The following TECPR2 variants were observed in gnomAD, a reference collection of about 807,000 sequenced individuals.
The protein encoded by TECPR2 is tectonin beta-propeller repeat containing 2.
In TECPR2, 65 loss-of-function variants were observed where a neutral mutation model predicts 138.1. The observed-to-expected ratio is 0.47, with a 90% confidence interval of 0.39 to 0.58. The LOEUF is 0.58. Ranked by LOEUF, TECPR2 falls within the 20% of genes least tolerant of loss-of-function variation. TECPR2 has a pLI of 0.00. For synonymous variants in TECPR2, 746 were observed against 749.8 expected (o/e 0.99, Z 0.08); for missense variants, 1,553 against 1,824.5 (o/e 0.85, Z 2.71).
intron 16 of TECPR2, among the ~76,000 whole-genome samples, chr14:102,453,029 C>T (rs1299572868): frequency 1.3e-5 from 2 of 152,236 alleles, no homozygotes; most frequent in Non-Finnish European, 2.9e-5. Flanking sequence ...GTTTGTCTAT[C>T]TCCTCAGGAC....
intron 2 of TECPR2, among the ~76,000 whole-genome samples, 167 bp downstream of exon 2, chr14:102,377,107 T>C (rs762576274): frequency 6.6e-6 from 1 of 152,346 alleles, no homozygotes; most frequent in Middle Eastern, 3.4e-3. Context: ...GGAATATAAC[T>C]AAAAACATTG....
Position 102,440,575 on chromosome 14 carries a change from C to T in TECPR2, c.2718C>T (p.Ile906=), listed in dbSNP as rs758523749. 3 of 1,614,174 alleles carry T rather than the reference C, an allele frequency of 1.9e-6. No individual in the cohort carries two copies. The South Asian group carries it at 3.3e-5, about 18-fold the overall frequency. The change falls in exon 11 of 20, where the codon ATC becomes ATT. Residue 906 remains isoleucine (I), a synonymous_variant. Coordinates refer to ENST00000359520, the MANE Select transcript of TECPR2 (RefSeq NM_014844.5). ...CCCTGAGCGATGACACGGCCTGGAT[C>T]ATCAGGACCAGTGGGGACCTATACT... ...FVALSDDTAW[I]IRTSGDLYLQ...
chr14:102,389,655 C>T (rs1453630711), intron 2 of TECPR2, among the ~76,000 whole-genome samples: 1 of 152,150 alleles, frequency 6.6e-6, no homozygotes, highest in African/African-American at 2.4e-5. Flanking sequence ...ATCCCTACCT[C>T]ACTTCATATG....
chr14:102,386,775 T>C (rs1888018388), intron 2 of TECPR2, among the ~76,000 whole-genome samples: 1 of 152,190 alleles, frequency 6.6e-6, no homozygotes, highest in African/African-American at 2.4e-5. Context: ...CTGCCAGTTA[T>C]TAGTGGTTTA....
At chr14:102,468,346 CCT>C (rs929818374) in intron 17 of TECPR2, among the ~76,000 whole-genome samples, 6 of 151,122 alleles carry the variant, frequency 4.0e-5, no homozygotes, top group African/African-American at 1.5e-4. Flanking sequence ...CACCGCCATG[CCT>C]GGCTAATTTT....
chr14:102,488,747 T>C (rs1891094920), intron 17 of TECPR2, among the ~76,000 whole-genome samples: 1 of 152,086 alleles, frequency 6.6e-6, no homozygotes, highest in Non-Finnish European at 1.5e-5. Flanking sequence ...AAAACTATAG[T>C]ACACTGTCAC....
chr14:102,461,868 G>A (rs895493304), intron 16 of TECPR2, among the ~76,000 whole-genome samples: 1 of 152,188 alleles, frequency 6.6e-6, no homozygotes, highest in Non-Finnish European at 1.5e-5. Flanking sequence ...CTGCCACCGC[G>A]TTCACCACAT....
intron 9 of TECPR2, among the ~76,000 whole-genome samples, chr14:102,437,548 T>C (rs115410865): frequency 0.01 from 1,531 of 150,792 alleles, 28 homozygotes; most frequent in African/African-American, 0.036. Flanking sequence ...AGCGAGTCTC[T>C]GTCTCAAAAA....
rs1201434844 is a variant in TECPR2 at position 102,497,251 on chromosome 14, T to C, written c.3931+131T>C. On this transcript the variant is annotated intron_variant, in intron 18 of 19. Coordinates refer to ENST00000359520, the MANE Select transcript of TECPR2 (RefSeq NM_014844.5). ...GCTGGGGCTGTGCTGTCGCCGCTGC[T>C]TCCTGGGCCAGGGGACAAGCCTCCC... 4 of 1,391,504 alleles carry C rather than the reference T, an allele frequency of 2.9e-6. No homozygotes were observed. The East Asian group carries it at 1.0e-4, about 35-fold the overall frequency. The allele number at this position is 1,391,504 out of a possible 1,614,324, so 86.2% of individuals were successfully genotyped here.
chr14:102,436,380 G>T (rs1292111358), intron 9 of TECPR2, among the ~76,000 whole-genome samples: 3 of 149,582 alleles, frequency 2.0e-5, no homozygotes, highest in African/African-American at 7.4e-5. Context: ...GCGCAGTGGC[G>T]CAATCATGGC....
rs138595083 is a variant in TECPR2, at chr14:102,434,340, C to G, written c.1523C>G (p.Thr508Ser). Residue 508 changes from threonine to serine, a missense_variant, in exon 9 of 20, where the codon ACC (threonine) becomes AGC (serine). Thr to Ser is a moderately conservative substitution (Grantham distance 58). Coordinates refer to ENST00000359520, the MANE Select transcript of TECPR2 (RefSeq NM_014844.5). ...QSLNTDLLSM[T>S]SSVLGSSVDQ... ...TTGAACACAGACTTGCTGTCGATGA[C>G]CTCAAGTGTCCTGGGCAGTAGCGTG... 2.0e-5 allele frequency: 30 copies of G among 1,478,064 alleles called. No homozygotes were observed. The highest frequency in any genetic ancestry group is 2.5e-5 in the Non-Finnish European group (28 of 1,112,268). 91.6% of individuals were successfully genotyped at this position (1,478,064 alleles called of 1,614,324 possible).
At chr14:102,425,965 A>G (rs1334921197) in intron 6 of TECPR2, among the ~76,000 whole-genome samples, 1 of 144,318 alleles carries the variant, frequency 6.9e-6, no homozygotes, top group African/African-American at 2.6e-5. Context: ...GCTCACTGCA[A>G]CCTCCACCTC....
intron 6 of TECPR2, among the ~76,000 whole-genome samples, chr14:102,426,204 TG>T (rs1294176341): frequency 1.4e-3 from 217 of 152,104 alleles, no homozygotes; most frequent in Middle Eastern, 3.4e-3. Flanking sequence ...GTTTTTTTTT[TG>T]TTTTTTGTTT....
At chr14:102,437,215 T>C (rs1224469292) in intron 9 of TECPR2, 4 of 978,820 alleles carry the variant, frequency 4.1e-6, no homozygotes, top group Admixed American at 6.2e-5. Flanking sequence ...TGAAAAGTAT[T>C]AAAGTACAAA....
At chr14:102,489,655 A>G (rs537820782) in intron 17 of TECPR2, among the ~76,000 whole-genome samples, 2 of 151,692 alleles carry the variant, frequency 1.3e-5, no homozygotes, top group African/African-American at 4.8e-5. Flanking sequence ...CAGTGAGCCA[A>G]CATCACACCA....
intron 2 of TECPR2, among the ~76,000 whole-genome samples, chr14:102,403,430 T>G (rs1888552122): frequency 6.6e-6 from 1 of 152,114 alleles, no homozygotes; most frequent in Non-Finnish European, 1.5e-5. Context: ...TACTTAATGG[T>G]AAAAAACGGA....
At chr14:102,464,403 G>GT (rs985547899) in intron 16 of TECPR2, among the ~76,000 whole-genome samples, 61 of 150,148 alleles carry the variant, frequency 4.1e-4, no homozygotes, top group African/African-American at 1.3e-3. Flanking sequence ...GTTTTTTTTT[G>GT]TTTTTTTGAG....
chr14:102,428,732 A>C (rs1273656096), intron 7 of TECPR2, among the ~76,000 whole-genome samples: 1 of 152,222 alleles, frequency 6.6e-6, no homozygotes, highest in Non-Finnish European at 1.5e-5. Context: ...ACTGCACTCC[A>C]GCCTGGATGA....
intron 12 of TECPR2, among the ~76,000 whole-genome samples, chr14:102,445,553 C>G (rs1889951548): frequency 6.6e-6 from 1 of 152,140 alleles, no homozygotes; most frequent in East Asian, 1.9e-4. Flanking sequence ...GTTATTTTCT[C>G]TCTTAAGAGT....
Sources: gnomAD v4.1 joint callset for allele counts (sites outside exome capture counted in the v4.1 genomes callset) on GRCh38, gnomAD v4.1.1 for gene constraint, MANE v1.5 for transcripts, NCBI Gene and HGNC (gene_info 2026-07-23, HGNC 2026-07-21) for gene names.